Variants in ANO5 observed in about 807,000 individuals in gnomAD.
The protein encoded by ANO5 is anoctamin-5.
Under a neutral mutation model 121.0 loss-of-function variants are expected in ANO5, and 109 were observed. The ratio of observed to expected loss-of-function variants is 0.90; its 90% CI spans 0.77 to 1.06. ANO5 has a LOEUF of 1.06. Ranked by LOEUF, ANO5 falls within the 50% of genes least tolerant of loss-of-function variation. The pLI is 0.00. For synonymous variants in ANO5, 406 were observed against 359.9 expected, an observed-to-expected ratio of 1.13 and a Z score of -1.45; for missense variants, 1,064 against 1,078.5, an observed-to-expected ratio of 0.99 and a Z score of 0.19.
chr11:22,235,925 A>T (rs559690153), intron 7 of ANO5, among the ~76,000 whole-genome samples: 1 of 152,130 alleles, frequency 6.6e-6, no homozygotes, highest in African/African-American at 2.4e-5. Flanking sequence ...AAAATAAATT[A>T]TGGTCTGTTC....
chr11:22,193,171 C>G lies in ANO5; in HGVS notation c.-322C>G. The G allele has an allele frequency of 8.1e-7, 1 of 1,229,596 alleles. No homozygotes were observed. Among genetic ancestry groups the G allele is most frequent in the Non-Finnish European group, 1.0e-6 (1 of 970,328 alleles). The allele number at this position is 1,229,596 out of a possible 1,614,324, so 76.2% of individuals were successfully genotyped here. Reference sequence around the variant, plus strand: ...ACAGGGACAGGTGCCTGGAGAAGTACTGGGAGAGCGCCCAGGAGCGCTACC... The same window carrying G: ...ACAGGGACAGGTGCCTGGAGAAGTAGTGGGAGAGCGCCCAGGAGCGCTACC... On this transcript the variant is annotated 5_prime_UTR_variant, in exon 1 of 22. Transcript: ENST00000324559.
chr11:22,269,557 AAAAG>A (rs1450487239), intron 17 of ANO5, among the ~76,000 whole-genome samples: 2 of 138,448 alleles, frequency 1.4e-5, no homozygotes, highest in East Asian at 2.3e-4. Flanking sequence ...AGGAAAGAAA[AAAAG>A]AAAAGGAAAG....
chr11:22,219,972 A>G (rs186039315), intron 4 of ANO5, among the ~76,000 whole-genome samples: 1 of 149,926 alleles, frequency 6.7e-6, no homozygotes, highest in East Asian at 2.0e-4. Context: ...TTTTTCTGAG[A>G]CACATCAGCT....
chr11:22,249,734 A>G (rs1219251623), intron 9 of ANO5, among the ~76,000 whole-genome samples: 1 of 152,108 alleles, frequency 6.6e-6, no homozygotes, highest in Non-Finnish European at 1.5e-5. Flanking sequence ...TAAACATCCA[A>G]GATTCAAACT....
intron 13 of ANO5, 78 bp downstream of exon 13, chr11:22,255,600 T>C: frequency 1.3e-6 from 2 of 1,546,714 alleles, no homozygotes; most frequent in Middle Eastern, 1.7e-4. Flanking sequence ...ATAATCATAG[T>C]TTATTTTGCC....
chr11:22,205,088 A>G (rs1373960530), intron 2 of ANO5, among the ~76,000 whole-genome samples: 1 of 152,186 alleles, frequency 6.6e-6, no homozygotes, highest in Admixed American at 6.5e-5. Context: ...TAGCAAACTA[A>G]TACAAGAACA....
intron 6 of ANO5, 142 bp from the exon 7 acceptor site, chr11:22,227,160 A>G (rs1445051716): frequency 8.9e-7 from 1 of 1,129,170 alleles, no homozygotes; most frequent in Non-Finnish European, 1.3e-6. Flanking sequence ...TTGTTTTCTC[A>G]AAGTTTTGCC....
At chr11:22,237,776 C>G (rs942910690) in intron 8 of ANO5, among the ~76,000 whole-genome samples, 1 of 151,988 alleles carries the variant, frequency 6.6e-6, no homozygotes, top group African/African-American at 2.4e-5. Flanking sequence ...AAAAACCAAA[C>G]AGCCTCTTCT....
intron 9 of ANO5, among the ~76,000 whole-genome samples, chr11:22,249,619 C>A (rs1422831828): frequency 6.6e-6 from 1 of 152,092 alleles, no homozygotes; most frequent in East Asian, 1.9e-4. Context: ...AACGCTGTCA[C>A]TTTTCAATTC....
intron 16 of ANO5, among the ~76,000 whole-genome samples, 198 bp from the exon 17 acceptor site, chr11:22,262,748 C>G (rs1043047695): frequency 3.3e-5 from 5 of 152,170 alleles, no homozygotes; most frequent in African/African-American, 1.2e-4. Context: ...TTTTTTAACA[C>G]AGTTCACAGA....
intron 21 of ANO5, chr11:22,277,695 T>G (rs1459827098): frequency 6.6e-6 from 1 of 151,598 alleles, no homozygotes; most frequent in African/African-American, 2.4e-5. Context: ...GCGTCAGAAG[T>G]TTAGATCACC....
intron 13 of ANO5, among the ~76,000 whole-genome samples, chr11:22,256,616 A>C (rs1317082136): frequency 6.6e-6 from 1 of 152,254 alleles, no homozygotes; most frequent in Non-Finnish European, 1.5e-5. Flanking sequence ...TAACAGAAAA[A>C]AATGTATTGA....
intron 20 of ANO5, 151 bp downstream of exon 20, chr11:22,274,898 C>T (rs780806563): frequency 5.2e-4 from 581 of 1,119,086 alleles, no homozygotes; most frequent in Non-Finnish European, 6.8e-4. Context: ...CTAGAATTCA[C>T]ACATTGCATG....
chr11:22,268,446 A>G (rs1854449904), intron 17 of ANO5, among the ~76,000 whole-genome samples: 2 of 152,040 alleles, frequency 1.3e-5, no homozygotes, highest in Non-Finnish European at 2.9e-5. Context: ...TAGAATATAT[A>G]TGTTTTCTAC....
chr11:22,260,989 A>G (rs1854169134), intron 15 of ANO5, among the ~76,000 whole-genome samples: 1 of 152,236 alleles, frequency 6.6e-6, no homozygotes, highest in Non-Finnish European at 1.5e-5. Flanking sequence ...TTCAAAATTA[A>G]TATAGCCATT....
intron 1 of ANO5, among the ~76,000 whole-genome samples, chr11:22,201,563 C>T (rs980155698): frequency 2.0e-5 from 3 of 152,028 alleles, no homozygotes; most frequent in Non-Finnish European, 2.9e-5. Flanking sequence ...CAGAATACTA[C>T]AGACTGGGTA....
At chr11:22,246,329 A>T (rs1228375656) in intron 9 of ANO5, among the ~76,000 whole-genome samples, 1 of 151,688 alleles carries the variant, frequency 6.6e-6, no homozygotes, top group East Asian at 1.9e-4. Flanking sequence ...CCTACTTTAC[A>T]TTTTTCCCCT....
chr11:22,235,426 G>A (rs956495715), intron 7 of ANO5, among the ~76,000 whole-genome samples: 13 of 152,142 alleles, frequency 8.5e-5, no homozygotes, highest in African/African-American at 3.1e-4. Flanking sequence ...GAGTTTAGAT[G>A]ATGATGATTC....
intron 17 of ANO5, among the ~76,000 whole-genome samples, chr11:22,266,477 TA>T (rs1478770043): frequency 1.3e-5 from 2 of 152,200 alleles, no homozygotes; most frequent in Non-Finnish European, 2.9e-5. Flanking sequence ...CTGGGGGTTA[TA>T]AATGATATCT....
Sources: gnomAD v4.1 joint callset for allele counts (sites outside exome capture counted in the v4.1 genomes callset) on GRCh38, gnomAD v4.1.1 for gene constraint, MANE v1.5 for transcripts, NCBI Gene and HGNC (gene_info 2026-07-23, HGNC 2026-07-21) for gene names.